Variants in GPC5 observed in about 807,000 individuals in gnomAD.
GPC5 encodes glypican-5.
Under a neutral mutation model 53.9 loss-of-function variants are expected in GPC5, and 47 were observed. That is an observed-to-expected ratio of 0.87 (90% CI 0.69 to 1.11). The LOEUF is 1.11. Ranked by LOEUF, GPC5 falls within the 50% of genes most tolerant of loss-of-function variation. GPC5 has a pLI of 0.00. For synonymous variants in GPC5, 286 were observed against 263.3 expected (o/e 1.09, Z -0.84); for missense variants, 748 against 713.1 (o/e 1.05, Z -0.56).
At chr13:92,574,202 G>A (rs985469834) in intron 7 of GPC5, among the ~76,000 whole-genome samples, 1 of 152,124 alleles carries the variant, frequency 6.6e-6, no homozygotes, top group African/African-American at 2.4e-5. Flanking sequence ...TACAGATAAA[G>A]TAGAAATCAT....
At chr13:92,284,248 T>G (rs978731235) in intron 7 of GPC5, among the ~76,000 whole-genome samples, 1 of 151,650 alleles carries the variant, frequency 6.6e-6, no homozygotes, top group East Asian at 1.9e-4. Context: ...CAATAATTAA[T>G]AGCCTACCAA....
intron 7 of GPC5, among the ~76,000 whole-genome samples, chr13:92,235,873 G>T (rs2042565895): frequency 6.6e-6 from 1 of 151,902 alleles, no homozygotes; most frequent in South Asian, 2.1e-4. Flanking sequence ...AAGAGTAATA[G>T]CCACTGTATT....
At chr13:92,138,356 C>A (rs1447078964) in intron 6 of GPC5, among the ~76,000 whole-genome samples, 8 of 151,744 alleles carry the variant, frequency 5.3e-5, no homozygotes, top group Admixed American at 5.3e-4. Context: ...CCTGTCTCTA[C>A]TAAAAATACA....
At chr13:91,510,064 A>G (rs1433405632) in intron 2 of GPC5, among the ~76,000 whole-genome samples, 1 of 152,172 alleles carries the variant, frequency 6.6e-6, no homozygotes, top group African/African-American at 2.4e-5. Flanking sequence ...TACTATATAT[A>G]AAGTTTTGTT....
intron 2 of GPC5, among the ~76,000 whole-genome samples, chr13:91,658,199 A>C (rs1227723718): frequency 1.3e-5 from 2 of 152,224 alleles, no homozygotes; most frequent in Non-Finnish European, 2.9e-5. Context: ...CCCACCTATC[A>C]CAAGTTTATA....
At chr13:91,919,586 C>T (rs1163591432) in intron 6 of GPC5, among the ~76,000 whole-genome samples, 4 of 152,094 alleles carry the variant, frequency 2.6e-5, no homozygotes, top group Admixed American at 2.0e-4. Context: ...CAGAAGTTTA[C>T]TTATAATAAG....
At chr13:91,591,629 T>G (rs2032802729) in intron 2 of GPC5, among the ~76,000 whole-genome samples, 1 of 151,660 alleles carries the variant, frequency 6.6e-6, no homozygotes, top group East Asian at 1.9e-4. Flanking sequence ...GTTTTGTTCA[T>G]TTTTTAAAAT....
intron 7 of GPC5, among the ~76,000 whole-genome samples, chr13:92,221,509 T>C (rs1441698073): frequency 1.3e-5 from 2 of 152,166 alleles, no homozygotes; most frequent in African/African-American, 2.4e-5. Flanking sequence ...GACAGGATCC[T>C]ATGTTTTCCC....
chr13:91,937,092 G>A lies in GPC5; in HGVS notation c.1401+29035G>A, dbSNP rs372929915. Among the ~76,000 whole-genome samples, 8 of 152,080 alleles carry A rather than the reference G, an allele frequency of 5.3e-5. No homozygotes were observed. The South Asian group carries it at 8.3e-4, about 16-fold the overall frequency. The stretch of plus-strand genomic sequence containing the variant: ...GATATATCCACAACAGACAAACACA[G>A]TACATCTTATCTTCCCTAATTTAAA... On this transcript the variant is annotated intron_variant, in intron 6 of 7. Transcript: ENST00000377067.
chr13:92,397,542 T>G (rs1262915934), intron 7 of GPC5, among the ~76,000 whole-genome samples: 2 of 152,224 alleles, frequency 1.3e-5, no homozygotes, highest in African/African-American at 2.4e-5. Flanking sequence ...TGTTTCTATC[T>G]TTGTATGATT....
At chr13:91,505,283 G>A (rs1024466063) in intron 2 of GPC5, among the ~76,000 whole-genome samples, 1 of 152,062 alleles carries the variant, frequency 6.6e-6, no homozygotes, top group Non-Finnish European at 1.5e-5. Flanking sequence ...ATGCAATAGC[G>A]AGATATATCA....
chr13:92,613,336 A>G (rs1187095331), intron 7 of GPC5, among the ~76,000 whole-genome samples: 2 of 102,386 alleles, frequency 2.0e-5, no homozygotes, highest in African/African-American at 4.2e-5. Flanking sequence ...ATATAATATA[A>G]TATATTTATA....
chr13:91,469,903 G>A (rs1317925573), intron 2 of GPC5, among the ~76,000 whole-genome samples: 1 of 152,090 alleles, frequency 6.6e-6, no homozygotes, highest in Non-Finnish European at 1.5e-5. Flanking sequence ...AGCTGGGCAG[G>A]GTGGCGTGTG....
At chr13:92,795,141 G>C (rs180847516) in intron 7 of GPC5, among the ~76,000 whole-genome samples, 1 of 151,908 alleles carries the variant, frequency 6.6e-6, no homozygotes, top group Non-Finnish European at 1.5e-5. Flanking sequence ...ACTGTACTAC[G>C]AGACTACAGT....
chr13:91,693,584 T>C lies in GPC5; in HGVS notation c.723T>C (p.Tyr241=), dbSNP rs774366752. 1.1e-5 allele frequency: 18 copies of C among 1,613,982 alleles called. No homozygotes were observed. The highest frequency in any genetic ancestry group is 1.1e-4 in the South Asian group (10 of 91,086). The change falls in exon 3 of 8, where the codon TAT becomes TAC. Residue 241 remains tyrosine (Y), a synonymous_variant. Coordinates refer to ENST00000377067, the MANE Select transcript of GPC5 (RefSeq NM_004466.6). ...LGIEVINTTD[Y]LHFSKECSRA... ...TTGAAGTCATCAACACCACAGACTA[T>C]CTGCACTTCTCCAAAGAGTGCAGCA...
chr13:92,466,436 C>A (rs1451600839), intron 7 of GPC5, among the ~76,000 whole-genome samples: 1 of 151,998 alleles, frequency 6.6e-6, no homozygotes, highest in Non-Finnish European at 1.5e-5. Flanking sequence ...ATCTCAGAGA[C>A]ATTTTTTCAT....
chr13:91,469,932 C>G (rs1882504171), intron 2 of GPC5, among the ~76,000 whole-genome samples: 1 of 152,090 alleles, frequency 6.6e-6, no homozygotes, highest in South Asian at 2.1e-4. Flanking sequence ...TCCAGCTTCT[C>G]AGGAGGCTGA....
At chr13:92,357,969 C>T (rs2043536516) in intron 7 of GPC5, among the ~76,000 whole-genome samples, 1 of 151,582 alleles carries the variant, frequency 6.6e-6, no homozygotes, top group African/African-American at 2.4e-5. Flanking sequence ...GACCTCTTCT[C>T]AACAGTCCCC....
intron 5 of GPC5, among the ~76,000 whole-genome samples, chr13:91,840,204 A>G (rs540735414): frequency 1.3e-5 from 2 of 152,200 alleles, no homozygotes; most frequent in South Asian, 4.1e-4. Flanking sequence ...TTTTATTATC[A>G]CCATACTTAC....
Sources: gnomAD v4.1 joint callset for allele counts (sites outside exome capture counted in the v4.1 genomes callset) on GRCh38, gnomAD v4.1.1 for gene constraint, MANE v1.5 for transcripts, NCBI Gene and HGNC (gene_info 2026-07-23, HGNC 2026-07-21) for gene names.